TTLL8: variants seen among roughly 807,000 people sequenced by gnomAD.
The protein encoded by TTLL8 is tubulin tyrosine ligase like 8, also known as protein monoglycylase TTLL8.
Under a neutral mutation model 77.8 loss-of-function variants are expected in TTLL8, and 65 were observed. The observed-to-expected ratio is 0.84, with a 90% confidence interval of 0.68 to 1.03. TTLL8 has a LOEUF of 1.03. TTLL8 is among the 50% of genes least tolerant of loss of function. The probability of loss-of-function intolerance (pLI) is 0.00; values close to 1 mark genes in which losing one functional copy is unlikely to be tolerated. For synonymous variants in TTLL8, 402 were observed against 422.8 expected (o/e 0.95, Z 0.60); for missense variants, 910 against 1,004.5 (o/e 0.91, Z 1.27).
intron 12 of TTLL8, among the ~76,000 whole-genome samples, chr22:50,026,487 A>G (rs1180871442): frequency 2.0e-5 from 3 of 149,890 alleles, no homozygotes; most frequent in African/African-American, 7.4e-5. Flanking sequence ...GGAGGGTCAG[A>G]CACGGAAATA....
At chr22:50,049,059 G>A (rs1055790938) in intron 3 of TTLL8, 190 bp downstream of exon 5, 8 of 777,390 alleles carry the variant, frequency 1.0e-5, no homozygotes, top group East Asian at 1.3e-4. Flanking sequence ...ATCCAGCACC[G>A]AAGGGCTCGC....
intron 8 of TTLL8, among the ~76,000 whole-genome samples, chr22:50,035,452 G>A (rs762301479): frequency 6.6e-6 from 1 of 152,176 alleles, no homozygotes; most frequent in Non-Finnish European, 1.5e-5. Context: ...GGGTGCCTGG[G>A]CGAGAGCCCC....
At chr22:50,031,868 C>G in exon 11 of TTLL8, 1 of 1,367,318 alleles carries the variant, frequency 7.3e-7, no homozygotes. Flanking sequence ...AAGTCAGCCC[C>G]GTAGAGCTCA....
intron 9 of TTLL8, 146 bp from the exon 11 acceptor site, chr22:50,033,591 C>A: frequency 3.1e-6 from 2 of 655,168 alleles, no homozygotes; most frequent in Non-Finnish European, 4.6e-6. Context: ...TTGGTGGGGG[C>A]GATGGGGGAG....
chr22:50,038,473 T>C (rs2061350319), intron 8 of TTLL8, among the ~76,000 whole-genome samples: 2 of 152,184 alleles, frequency 1.3e-5, no homozygotes. Context: ...CAATAATATA[T>C]AACCACTACG....
intron 5 of TTLL8, 50 bp from the exon 8 acceptor site, chr22:50,045,439 A>T: frequency 7.4e-7 from 1 of 1,350,090 alleles, no homozygotes; most frequent in Non-Finnish European, 9.9e-7. Flanking sequence ...AGGACTGGGG[A>T]CTGGAGATGG....
rs1486206372 is a variant in TTLL8 at position 50,034,077 on chromosome 22, A to C, written c.1039+268T>G. ...TAATAAAAATAAAAAACTAAAAAGG[A>C]AAGCATAGACCAGTTTGTGAATACA... On this transcript the variant is annotated intron_variant, in intron 9 of 13. Coordinates refer to ENST00000266182, the Ensembl canonical transcript of TTLL8. The surrounding 1 kb of genome is among the most constrained non-coding windows in gnomAD (Gnocchi z 4.1). Among the ~76,000 whole-genome samples the C allele has an allele frequency of 6.6e-6, 1 of 152,236 alleles. No individual in the cohort carries two copies. Among genetic ancestry groups the C allele is most frequent in the Non-Finnish European group, 1.5e-5 (1 of 68,046 alleles).
At chr22:50,037,059 T>C (rs905143049) in intron 8 of TTLL8, among the ~76,000 whole-genome samples, 4 of 152,158 alleles carry the variant, frequency 2.6e-5, no homozygotes, top group African/African-American at 9.7e-5. Flanking sequence ...TTGGAATGGA[T>C]TATCTGGGCC....
chr22:50,036,149 C>A (rs1300374534), intron 8 of TTLL8, among the ~76,000 whole-genome samples: 1 of 152,320 alleles, frequency 6.6e-6, no homozygotes, highest in Admixed American at 6.5e-5. Flanking sequence ...GGCACACCTG[C>A]CAGGGGTCCC....
intron 6 of TTLL8, among the ~76,000 whole-genome samples, chr22:50,043,318 G>T (rs548392801): frequency 7.7e-6 from 1 of 130,628 alleles, no homozygotes; most frequent in Non-Finnish European, 1.7e-5. Context: ...CATGTTCTTC[G>T]GTAGATGGAT....
At chr22:50,037,364 C>G (rs762713567) in intron 8 of TTLL8, among the ~76,000 whole-genome samples, 1 of 151,980 alleles carries the variant, frequency 6.6e-6, no homozygotes, top group African/African-American at 2.4e-5. Flanking sequence ...CGCACCACCG[C>G]GCCCAGCTAA....
At chr22:50,037,370 G>C (rs2061344127) in intron 8 of TTLL8, among the ~76,000 whole-genome samples, 1 of 152,030 alleles carries the variant, frequency 6.6e-6, no homozygotes, top group Non-Finnish European at 1.5e-5. Context: ...ACCGCGCCCA[G>C]CTAATTTTTG....
chr22:50,053,312 G>C (rs1316417556), intron 1 of TTLL8, among the ~76,000 whole-genome samples: 1 of 151,598 alleles, frequency 6.6e-6, no homozygotes, highest in African/African-American at 2.4e-5. Flanking sequence ...AATTTCAATG[G>C]AATAACATTG....
chr22:50,043,908 G>C (rs777838240), intron 6 of TTLL8, among the ~76,000 whole-genome samples: 6 of 152,144 alleles, frequency 3.9e-5, no homozygotes, highest in Non-Finnish European at 8.8e-5. Flanking sequence ...TAGGGCCGGG[G>C]ACCATCTCTG....
At chr22:50,024,150 T>C (rs187619729) in intron 12 of TTLL8, among the ~76,000 whole-genome samples, 173 of 152,306 alleles carry the variant, frequency 1.1e-3, no homozygotes, top group African/African-American at 4.0e-3. Flanking sequence ...TTGTGTTTTG[T>C]TTTTGAGGTG....
intron 12 of TTLL8, among the ~76,000 whole-genome samples, chr22:50,027,949 C>T (rs544668690): frequency 6.6e-6 from 1 of 152,356 alleles, no homozygotes; most frequent in South Asian, 2.1e-4. Context: ...CTGACTCACG[C>T]ACGGACGCCA....
chr22:50,023,545 C>T (rs544768293), intron 12 of TTLL8, among the ~76,000 whole-genome samples: 2 of 151,572 alleles, frequency 1.3e-5, no homozygotes, highest in African/African-American at 2.4e-5. Flanking sequence ...ATTAGCTGGG[C>T]GTGGTAGTGT....
upstream of TTLL8, among the ~76,000 whole-genome samples, chr22:50,057,588 AGGG>A (rs2061487822): frequency 1.3e-3 from 9 of 6,892 alleles, no homozygotes; most frequent in African/African-American, 0.012. Flanking sequence ...GTCTGGGTTG[AGGG>A]TCAGGTTTGG....
chr22:50,048,215 G>C (rs960751583), intron 3 of TTLL8, among the ~76,000 whole-genome samples: 1 of 151,900 alleles, frequency 6.6e-6, no homozygotes, highest in African/African-American at 2.4e-5. Context: ...CAGAGCCGAA[G>C]TCCCCCAGCC....
Sources: gnomAD v4.1 joint callset for allele counts (sites outside exome capture counted in the v4.1 genomes callset) on GRCh38, gnomAD v4.1.1 for gene constraint, Gnocchi (gnomAD v3.1) non-coding constraint, MANE v1.5 for transcripts, NCBI Gene and HGNC (gene_info 2026-07-23, HGNC 2026-07-21) for gene names.